XKR4: variants seen among roughly 807,000 people sequenced by gnomAD.
The protein encoded by XKR4 is XK-related protein 4.
XKR4 carries 12 observed loss-of-function variants against 53.9 expected under a neutral mutation model. The ratio of observed to expected loss-of-function variants is 0.22; its 90% CI spans 0.14 to 0.36. The LOEUF is 0.36. XKR4 is among the 10% of genes least tolerant of loss of function. The probability of loss-of-function intolerance (pLI) is 1.00; values close to 1 mark genes in which losing one functional copy is unlikely to be tolerated. For missense variants in XKR4, 799 were observed against 859.5 expected, an observed-to-expected ratio of 0.93 and a Z score of 0.88; for synonymous variants, 354 against 362.4, an observed-to-expected ratio of 0.98 and a Z score of 0.26.
chr8:55,130,347 A>G (rs971000840), intron 1 of XKR4, among the ~76,000 whole-genome samples: 3 of 152,210 alleles, frequency 2.0e-5, no homozygotes, highest in Non-Finnish European at 2.9e-5. Context: ...GCAAGTGAGG[A>G]AGTCAGCTAT....
chr8:55,185,169 A>G (rs1283570496), intron 1 of XKR4, among the ~76,000 whole-genome samples: 2 of 152,258 alleles, frequency 1.3e-5, no homozygotes, highest in Non-Finnish European at 2.9e-5. Context: ...GGATCAGAGA[A>G]ATATGGCAAT....
At chr8:55,356,564 T>A (rs1175651933) in intron 1 of XKR4, among the ~76,000 whole-genome samples, 1 of 142,266 alleles carries the variant, frequency 7.0e-6, no homozygotes, top group Non-Finnish European at 1.5e-5. Context: ...AATATGAACA[T>A]TGAGTATTTG....
At chr8:55,340,444 C>T (rs1803527787) in intron 1 of XKR4, among the ~76,000 whole-genome samples, 1 of 152,330 alleles carries the variant, frequency 6.6e-6, no homozygotes, top group Admixed American at 6.5e-5. Context: ...AACAGAATCA[C>T]CAGCCTAAGG....
chr8:55,336,056 A>AG (rs1363022605), intron 1 of XKR4, among the ~76,000 whole-genome samples: 6 of 151,258 alleles, frequency 4.0e-5, no homozygotes, highest in East Asian at 1.9e-4. Context: ...AAAAAAAAAA[A>AG]AAAGAAAAGA....
rs745683937 is a variant in XKR4, at chr8:55,523,845, C to A, written c.1571C>A (p.Pro524Gln). ...HPNGPRFGQSPSCACEDPAAA... is the reference protein window; with the variant it reads ...HPNGPRFGQSQSCACEDPAAA... ...AATGGACCCAGATTCGGGCAGTCAC[C>A]AAGTTGTGCTTGTGAGGACCCAGCC... is the stretch of plus-strand genomic sequence containing the variant. Residue 524 changes from proline (P) to glutamine (Q), a missense_variant, in exon 3 of 3, where the codon CCA (proline) becomes CAA (glutamine). Pro to Gln is a moderately conservative substitution (Grantham distance 76, BLOSUM62 -1). Around this residue, in one of 3 missense-constraint regions of XKR4, gnomAD observed 269 missense variants for 264.4 expected, o/e 1.02. Transcript: ENST00000327381. The A allele has an allele frequency of 6.2e-7, 1 of 1,614,174 alleles. No individual in the cohort carries two copies. The highest frequency in any genetic ancestry group is 8.5e-7 in the Non-Finnish European group (1 of 1,180,016).
chr8:55,404,597 C>T (rs1197548688), intron 2 of XKR4, among the ~76,000 whole-genome samples: 8 of 152,188 alleles, frequency 5.3e-5, no homozygotes, highest in Admixed American at 5.2e-4. Context: ...CTCGCTAACC[C>T]ACTTGTTATT....
At position 55,535,596 on chromosome 8, in the gene XKR4, G is replaced by C. The variant is rs10101332; in HGVS notation, c.*11369G>C. 0.28 allele frequency: 43,228 copies of C among 152,020 alleles called. 6,425 individuals carry two copies. The highest frequency in any genetic ancestry group is 0.47 in the East Asian group (2,453 of 5,168). 9.4% of individuals were successfully genotyped at this position (152,020 alleles called of 1,614,324 possible). A position where few individuals can be genotyped will look rare whatever the true frequency, so the allele number is the denominator to read the frequency against. On this transcript the variant is annotated 3_prime_UTR_variant, in exon 3 of 3. Coordinates refer to ENST00000327381, the MANE Select transcript of XKR4 (RefSeq NM_052898.2). ...AATAGTCCTCTTAAGCAAGGTTCAT[G>C]GGTAAGAGTTACTCTAGCAGGATTG...
At chr8:55,481,454 C>A (rs1011472339) in intron 2 of XKR4, among the ~76,000 whole-genome samples, 3 of 152,012 alleles carry the variant, frequency 2.0e-5, no homozygotes, top group African/African-American at 4.8e-5. Context: ...TAGAAGAAAA[C>A]CTAGGCAATA....
intron 1 of XKR4, among the ~76,000 whole-genome samples, chr8:55,302,943 C>G (rs1407413548): frequency 6.6e-6 from 1 of 152,188 alleles, no homozygotes; most frequent in Non-Finnish European, 1.5e-5. Flanking sequence ...CATCTGCAAA[C>G]AGGGACAATT....
intron 1 of XKR4, among the ~76,000 whole-genome samples, chr8:55,308,216 G>A (rs536069908): frequency 6.6e-6 from 1 of 152,312 alleles, no homozygotes; most frequent in East Asian, 1.9e-4. Flanking sequence ...TCGTGCCATT[G>A]TGATCCAGCC....
In XKR4 at chr8:55,532,007, G is replaced by C. The variant is rs1161334159; in HGVS notation, c.*7780G>C. The C allele has an allele frequency of 6.6e-6, 1 of 152,238 alleles. No individual in the cohort carries two copies. Among genetic ancestry groups the C allele is most frequent in the Non-Finnish European group, 1.5e-5 (1 of 68,038 alleles). 9.4% of individuals were successfully genotyped at this position (152,238 alleles called of 1,614,324 possible). The stretch of plus-strand genomic sequence containing the variant: ...GACCCGATTGCATTCTCTCCTGAGT[G>C]ATTGGCTTCCCACATATATAAGCAG... On this transcript the variant is annotated 3_prime_UTR_variant, in exon 3 of 3. Coordinates refer to ENST00000327381, the MANE Select transcript of XKR4 (RefSeq NM_052898.2).
chr8:55,347,608 G>C (rs1803667571), intron 1 of XKR4, among the ~76,000 whole-genome samples: 1 of 152,186 alleles, frequency 6.6e-6, no homozygotes, highest in South Asian at 2.1e-4. Flanking sequence ...TCAGTCATAT[G>C]GTAAGGAAAG....
chr8:55,479,097 A>T (rs1806055889), intron 2 of XKR4, among the ~76,000 whole-genome samples: 1 of 152,118 alleles, frequency 6.6e-6, no homozygotes, highest in Non-Finnish European at 1.5e-5. Context: ...CAGAATATAC[A>T]TTCTTTTCAG....
chr8:55,524,155 A>G lies in XKR4; in HGVS notation c.1881A>G (p.Pro627=), dbSNP rs956239881. 2.5e-6 allele frequency: 4 copies of G among 1,614,100 alleles called. No individual in the cohort carries two copies. In the Admixed American group the frequency reaches 6.7e-5, roughly 27 times the overall value. ...RKAILAFECS[P]SPPRLQYKDD... is the part of the protein sequence containing the mutation. ...CTATTTTAGCTTTTGAATGTTCCCC[A>G]TCTCCTCCAAGGCTGCAGTACAAAG... The change falls in exon 3 of 3, where the codon CCA becomes CCG. Residue 627 remains proline (P), a synonymous_variant. Transcript: ENST00000327381.
intron 1 of XKR4, among the ~76,000 whole-genome samples, chr8:55,219,920 G>T (rs1817858192): frequency 6.6e-6 from 1 of 152,068 alleles, no homozygotes; most frequent in Non-Finnish European, 1.5e-5. Context: ...AATTTTCTAG[G>T]ATTCCATGTT....
intron 1 of XKR4, among the ~76,000 whole-genome samples, chr8:55,227,811 G>T (rs1444158231): frequency 6.6e-6 from 1 of 152,246 alleles, no homozygotes; most frequent in Non-Finnish European, 1.5e-5. Context: ...TCCCTGCTGT[G>T]CATGGGCATG....
chr8:55,204,639 T>A (rs1384414718), intron 1 of XKR4, among the ~76,000 whole-genome samples: 1 of 152,098 alleles, frequency 6.6e-6, no homozygotes, highest in African/African-American at 2.4e-5. Flanking sequence ...AAAACCTGGA[T>A]AATGTAAATC....
chr8:55,302,559 G>A (rs1275494873), intron 1 of XKR4, among the ~76,000 whole-genome samples: 2 of 152,128 alleles, frequency 1.3e-5, no homozygotes, highest in East Asian at 3.8e-4. Context: ...TGATGGGGAT[G>A]GCATTGAATC....
At chr8:55,410,069 T>C (rs1018787519) in intron 2 of XKR4, among the ~76,000 whole-genome samples, 3 of 151,352 alleles carry the variant, frequency 2.0e-5, no homozygotes, top group Non-Finnish European at 4.4e-5. Context: ...GCTAGTTGAT[T>C]CCTCTCTGTC....
Sources: allele counts gnomAD v4.1 joint callset (sites outside exome capture counted in the v4.1 genomes callset), GRCh38; gene constraint gnomAD v4.1.1; regional missense constraint gnomAD v4.1.1; transcripts MANE v1.5; gene names NCBI Gene and HGNC (gene_info 2026-07-23, HGNC 2026-07-21).